Variants in PLD1 observed in about 807,000 individuals in gnomAD.
PLD1 encodes the protein phospholipase D1.
Under a neutral mutation model 137.1 loss-of-function variants are expected in PLD1, and 112 were observed. The ratio of observed to expected loss-of-function variants is 0.82; its 90% CI spans 0.70 to 0.96. The LOEUF is 0.96. Ranked by LOEUF, PLD1 falls within the 40% of genes least tolerant of loss-of-function variation. The probability of loss-of-function intolerance (pLI) is 0.00; values close to 1 mark genes in which losing one functional copy is unlikely to be tolerated. For synonymous variants in PLD1, 431 were observed against 454.7 expected, an observed-to-expected ratio of 0.95 and a Z score of 0.66; for missense variants, 1,321 against 1,342.0, an observed-to-expected ratio of 0.98 and a Z score of 0.24.
intron 19 of PLD1, among the ~76,000 whole-genome samples, chr3:171,668,041 C>T (rs148817166): frequency 1.1e-3 from 160 of 152,286 alleles, no homozygotes; most frequent in African/African-American, 3.6e-3. Flanking sequence ...CATGAGCCAC[C>T]GCACTAGACC....
intron 1 of PLD1, among the ~76,000 whole-genome samples, chr3:171,756,375 C>G (rs939077017): frequency 6.6e-6 from 1 of 152,156 alleles, no homozygotes; most frequent in African/African-American, 2.4e-5. Context: ...TTCTGCTAAA[C>G]AGAAAACCAG....
intron 25 of PLD1, among the ~76,000 whole-genome samples, chr3:171,609,046 T>C (rs1732433772): frequency 6.6e-6 from 1 of 151,896 alleles, no homozygotes; most frequent in Non-Finnish European, 1.5e-5. Flanking sequence ...AAAAGAAAGT[T>C]AAACAACAAC....
At chr3:171,677,458 C>A in intron 17 of PLD1, 108 bp downstream of exon 17, 1 of 1,172,546 alleles carries the variant, frequency 8.5e-7, no homozygotes, top group Non-Finnish European at 1.2e-6. Flanking sequence ...TTTCAAAAAT[C>A]AACGGAAGCA....
intron 1 of PLD1, among the ~76,000 whole-genome samples, chr3:171,757,609 C>T (rs1345190295): frequency 1.3e-5 from 2 of 152,110 alleles, no homozygotes; most frequent in African/African-American, 2.4e-5. Context: ...AAGATAGATG[C>T]CAAAAGTGGA....
chr3:171,786,238 C>T (rs1723009052), intron 1 of PLD1, among the ~76,000 whole-genome samples: 1 of 152,192 alleles, frequency 6.6e-6, no homozygotes, highest in African/African-American at 2.4e-5. Context: ...AATAAATAAA[C>T]TATTATCCTG....
intron 19 of PLD1, among the ~76,000 whole-genome samples, chr3:171,663,667 CT>C (rs1323255725): frequency 6.6e-6 from 1 of 152,178 alleles, no homozygotes; most frequent in South Asian, 2.1e-4. Context: ...TTGGTCATCA[CT>C]TTTTTCCAAC....
intron 1 of PLD1, among the ~76,000 whole-genome samples, chr3:171,764,917 A>G (rs1455201677): frequency 0.049 from 1,490 of 30,584 alleles, 232 homozygotes; most frequent in Non-Finnish European, 0.078. Context: ...GGAAGGAAAG[A>G]AAGAAAGGAA....
intron 1 of PLD1, among the ~76,000 whole-genome samples, chr3:171,754,865 C>G (rs561830998): frequency 1.3e-4 from 20 of 152,262 alleles, no homozygotes; most frequent in Admixed American, 1.2e-3. Context: ...CAGGAAATCT[C>G]CATCCTATCT....
intron 24 of PLD1, 41 bp downstream of exon 24, chr3:171,620,345 A>G (rs1733480703): frequency 1.4e-6 from 2 of 1,447,552 alleles, no homozygotes; most frequent in Non-Finnish European, 9.4e-7. Flanking sequence ...GGGTAAGTCA[A>G]CTGGCAAGGA....
chr3:171,754,936 A>G (rs1382428611), intron 1 of PLD1, among the ~76,000 whole-genome samples: 1 of 152,142 alleles, frequency 6.6e-6, no homozygotes, highest in African/African-American at 2.4e-5. Context: ...AGCTACTACT[A>G]TATCTCCAAC....
At chr3:171,678,901 C>T (rs1224287458) in intron 16 of PLD1, among the ~76,000 whole-genome samples, 1 of 152,172 alleles carries the variant, frequency 6.6e-6, no homozygotes, top group Non-Finnish European at 1.5e-5. Flanking sequence ...GCAGTTGGCA[C>T]ATTATTACTT....
At chr3:171,663,255 C>T (rs1023805515) in intron 19 of PLD1, among the ~76,000 whole-genome samples, 2 of 152,224 alleles carry the variant, frequency 1.3e-5, no homozygotes, top group Non-Finnish European at 2.9e-5. Flanking sequence ...CGCAGACACT[C>T]ACCTGTCCAG....
chr3:171,688,387 CTTAA>C (rs1714787243), intron 14 of PLD1, among the ~76,000 whole-genome samples: 1 of 152,078 alleles, frequency 6.6e-6, no homozygotes. Context: ...AAAAATAAAT[CTTAA>C]TTAAAATGGA....
intron 1 of PLD1, among the ~76,000 whole-genome samples, chr3:171,739,027 TCCA>T (rs1719585129): frequency 6.6e-6 from 1 of 152,130 alleles, no homozygotes; most frequent in African/African-American, 2.4e-5. Flanking sequence ...ACACTGAGCA[TCCA>T]CCACATGTGA....
At chr3:171,625,046 TAATC>T (rs952340379) in intron 23 of PLD1, among the ~76,000 whole-genome samples, 23 of 151,498 alleles carry the variant, frequency 1.5e-4, no homozygotes, top group African/African-American at 4.9e-4. Flanking sequence ...TTCAAAAAAA[TAATC>T]AAGAGAGATT....
intron 20 of PLD1, among the ~76,000 whole-genome samples, chr3:171,661,370 T>C (rs1711510032): frequency 6.6e-6 from 1 of 152,178 alleles, no homozygotes; most frequent in Non-Finnish European, 1.5e-5. Flanking sequence ...AATTATGCTA[T>C]GATTTATTTT....
chr3:171,602,308 T>G lies in PLD1; in HGVS notation c.*770A>C, dbSNP rs950826898. 6.6e-6 allele frequency: 1 copy of G among 152,200 alleles called. No individual in the cohort carries two copies. The highest frequency in any genetic ancestry group is 1.5e-5 in the Non-Finnish European group (1 of 68,036). The allele number at this position is 152,200 out of a possible 1,614,324, so 9.4% of individuals were successfully genotyped here. A position where few individuals can be genotyped will look rare whatever the true frequency, so the allele number is the denominator to read the frequency against. On this transcript the variant is annotated 3_prime_UTR_variant, in exon 27 of 27. Coordinates refer to ENST00000351298, the MANE Select transcript of PLD1 (RefSeq NM_002662.5). ...ACGTAATCAAATATCCCATGCATGT[T>G]TTTACATTTGATCAGGTGGGCCTAA... is the stretch of plus-strand genomic sequence containing the variant.
chr3:171,652,725 C>T (rs924939030), intron 21 of PLD1, among the ~76,000 whole-genome samples: 10 of 149,574 alleles, frequency 6.7e-5, no homozygotes, highest in Non-Finnish European at 1.0e-4. Context: ...CTCAGCTTCC[C>T]GGATGGCTGG....
intron 23 of PLD1, among the ~76,000 whole-genome samples, chr3:171,638,413 G>A (rs996236560): frequency 6.6e-6 from 1 of 152,100 alleles, no homozygotes; most frequent in African/African-American, 2.4e-5. Context: ...TTGGTGATAG[G>A]AATTTTTCAG....
Sources: gnomAD v4.1 joint callset for allele counts (sites outside exome capture counted in the v4.1 genomes callset) on GRCh38, gnomAD v4.1.1 for gene constraint, MANE v1.5 for transcripts, NCBI Gene and HGNC (gene_info 2026-07-23, HGNC 2026-07-21) for gene names.